The following ANKS1B variants were observed in gnomAD, a reference collection of about 807,000 sequenced individuals.
ANKS1B encodes the protein ankyrin repeat and sterile alpha motif domain-containing protein 1B.
ANKS1B carries 36 observed loss-of-function variants against 148.3 expected under a neutral mutation model. The ratio of observed to expected loss-of-function variants is 0.24; its 90% CI spans 0.19 to 0.32. The LOEUF is 0.32. Among genes scored for constraint, ANKS1B ranks in the 10% least tolerant of loss-of-function variants. ANKS1B has a pLI of 1.00. For missense variants in ANKS1B, 1,157 were observed against 1,542.6 expected (o/e 0.75, Z 4.19); for synonymous variants, 542 against 560.8 (o/e 0.97, Z 0.47).
At position 99,715,121 on chromosome 12, in the gene ANKS1B, T is replaced by A. The variant is rs2057135135; in HGVS notation, c.1128+57801A>T. On this transcript the variant is annotated intron_variant, in intron 8 of 26. Coordinates refer to ENST00000683438, the MANE Select transcript of ANKS1B (RefSeq NM_001352186.2). Reference sequence around the variant, plus strand: ...TTCAGACTAGGCAACAGAGCAAGAGTCCATCTAAAAATAAAAAATAATAAA... The same window carrying A: ...TTCAGACTAGGCAACAGAGCAAGAGACCATCTAAAAATAAAAAATAATAAA... 2.0e-5 allele frequency among the ~76,000 whole-genome samples: 3 copies of A among 149,362 alleles called. No individual in the cohort carries two copies. The Admixed American group carries it at 2.0e-4, about 10-fold the overall frequency.
Position 98,745,073 on chromosome 12 carries a change from C to T in ANKS1B, c.*666G>A. ...TTAATACAAGACACATTTTGCTGTG[C>T]ATAATAAATTCCTCTGCTTTGAATC... is the stretch of plus-strand genomic sequence containing the variant. On this transcript the variant is annotated 3_prime_UTR_variant, in exon 27 of 27. Transcript: ENST00000683438. 1.0e-6 allele frequency: 1 copy of T among 985,714 alleles called. No individual in the cohort carries two copies. Among genetic ancestry groups the T allele is most frequent in the Non-Finnish European group, 1.2e-6 (1 of 829,812 alleles). The allele number at this position is 985,714 out of a possible 1,614,324, so 61.1% of individuals were successfully genotyped here.
chr12:99,118,720 A>G (rs887430424), intron 15 of ANKS1B, among the ~76,000 whole-genome samples: 2 of 152,188 alleles, frequency 1.3e-5, no homozygotes, highest in African/African-American at 4.8e-5. Flanking sequence ...CATATACACA[A>G]AGAAAGGATA....
intron 14 of ANKS1B, among the ~76,000 whole-genome samples, chr12:99,235,198 C>T (rs2087668374): frequency 6.6e-6 from 1 of 152,132 alleles, no homozygotes. Context: ...GCAGCTTTGT[C>T]CAAGTGGCAC....
chr12:99,377,031 TG>T (rs372440886), intron 12 of ANKS1B, among the ~76,000 whole-genome samples: 8 of 151,754 alleles, frequency 5.3e-5, no homozygotes, highest in African/African-American at 1.9e-4. Context: ...TTTTTTGAGA[TG>T]GAGTCTCGCT....
chr12:99,205,742 T>C (rs896190585), intron 14 of ANKS1B, among the ~76,000 whole-genome samples: 1 of 152,154 alleles, frequency 6.6e-6, no homozygotes, highest in Non-Finnish European at 1.5e-5. Context: ...GACCTTTGGG[T>C]TTGTGCTGGC....
At chr12:99,227,255 C>T (rs901126390) in intron 14 of ANKS1B, among the ~76,000 whole-genome samples, 4 of 152,248 alleles carry the variant, frequency 2.6e-5, no homozygotes, top group South Asian at 2.1e-4. Context: ...CCCCCTCTCT[C>T]GCTTGCTCCT....
chr12:98,887,888 C>G (rs554567822), intron 17 of ANKS1B, among the ~76,000 whole-genome samples: 3 of 152,172 alleles, frequency 2.0e-5, no homozygotes, highest in African/African-American at 7.2e-5. Flanking sequence ...GCTAGGATTA[C>G]GGGCATGATC....
intron 8 of ANKS1B, among the ~76,000 whole-genome samples, chr12:99,660,845 T>TA (rs1181105739): frequency 2.0e-4 from 30 of 152,170 alleles, no homozygotes; most frequent in African/African-American, 7.2e-4. Flanking sequence ...GATCTGCCCC[T>TA]ACCTCCCTCT....
rs34916090 is a variant in ANKS1B, at chr12:99,869,681, CA to C, written c.135-44293del. The stretch of plus-strand genomic sequence containing the variant: ...GGGCAACAAGAGTGAAACTTTGTCT[CA>C]AAAAAAAAAAAAAATTGTACTGCAG... On this transcript the variant is annotated intron_variant, in intron 1 of 26. Coordinates refer to ENST00000683438, the MANE Select transcript of ANKS1B (RefSeq NM_001352186.2). 5.5e-3 allele frequency among the ~76,000 whole-genome samples: 681 copies of C among 123,452 alleles called. 4 individuals carry two copies. The highest frequency in any genetic ancestry group is 0.012 in the African/African-American group (422 of 33,906). The allele number at this position is 123,452 out of a possible 152,430, so 81.0% of individuals were successfully genotyped here. A position where few individuals can be genotyped will look rare whatever the true frequency, so the allele number is the denominator to read the frequency against.
intron 10 of ANKS1B, among the ~76,000 whole-genome samples, chr12:99,457,187 T>G (rs1160984084): frequency 6.6e-6 from 1 of 151,992 alleles, no homozygotes; most frequent in African/African-American, 2.4e-5. Flanking sequence ...AAAGATGGTG[T>G]TTTTCAGAAA....
intron 12 of ANKS1B, among the ~76,000 whole-genome samples, chr12:99,260,522 A>T (rs2075810775): frequency 2.0e-5 from 3 of 152,220 alleles, no homozygotes. Context: ...AATACTATTA[A>T]CAAGATACAC....
At chr12:99,213,365 TC>T (rs2083636479) in intron 14 of ANKS1B, among the ~76,000 whole-genome samples, 1 of 152,160 alleles carries the variant, frequency 6.6e-6, no homozygotes, top group Non-Finnish European at 1.5e-5. Flanking sequence ...CTGCCTGCAT[TC>T]CCCCTTCATC....
At chr12:99,097,942 A>T (rs556621813) in intron 15 of ANKS1B, among the ~76,000 whole-genome samples, 1 of 152,218 alleles carries the variant, frequency 6.6e-6, no homozygotes, top group Non-Finnish European at 1.5e-5. Context: ...TTCTTCAGAT[A>T]AGTGTTCAGT....
At chr12:98,952,386 G>C (rs1276825168) in intron 17 of ANKS1B, among the ~76,000 whole-genome samples, 1 of 152,194 alleles carries the variant, frequency 6.6e-6, no homozygotes, top group Non-Finnish European at 1.5e-5. Flanking sequence ...ATACAAATGT[G>C]CTTACACATT....
rs186816623 is a variant in ANKS1B at position 99,613,597 on chromosome 12, C to T, written c.1272+41470G>A. Among the ~76,000 whole-genome samples the T allele has an allele frequency of 1.1e-4, 17 of 152,078 alleles. No homozygotes were observed. In the East Asian group the frequency reaches 2.7e-3, roughly 24 times the overall value. ...GGCCATTATCCTTAGAAAATGGATG[C>T]AGGAACAGAAAACTAAGTATTGTCT... On this transcript the variant is annotated intron_variant, in intron 9 of 26. Coordinates refer to ENST00000683438, the MANE Select transcript of ANKS1B (RefSeq NM_001352186.2).
intron 8 of ANKS1B, among the ~76,000 whole-genome samples, chr12:99,765,275 A>G (rs982928680): frequency 6.6e-6 from 1 of 152,206 alleles, no homozygotes; most frequent in African/African-American, 2.4e-5. Context: ...GCATGTAGTG[A>G]AAATTTAGTA....
chr12:99,775,832 G>C (rs2063596390), intron 6 of ANKS1B, among the ~76,000 whole-genome samples, 171 bp from the exon 7 acceptor site: 1 of 152,020 alleles, frequency 6.6e-6, no homozygotes, highest in African/African-American at 2.4e-5. Flanking sequence ...AGAACGCCAT[G>C]ATGAGCTATT....
At chr12:98,989,950 GA>G (rs1389218266) in intron 17 of ANKS1B, among the ~76,000 whole-genome samples, 1 of 148,124 alleles carries the variant, frequency 6.8e-6, no homozygotes, top group Non-Finnish European at 1.5e-5. Context: ...AGAAGGAAAA[GA>G]AGGAAAGAAA....
intron 12 of ANKS1B, among the ~76,000 whole-genome samples, chr12:99,395,518 C>T (rs2094214720): frequency 6.6e-6 from 1 of 152,150 alleles, no homozygotes; most frequent in African/African-American, 2.4e-5. Flanking sequence ...GTTAATTACT[C>T]TTTCCTTGTA....
Sources: gnomAD v4.1 joint callset for allele counts (sites outside exome capture counted in the v4.1 genomes callset) on GRCh38, gnomAD v4.1.1 for gene constraint, MANE v1.5 for transcripts, NCBI Gene and HGNC (gene_info 2026-07-23, HGNC 2026-07-21) for gene names.